CALD1: variants seen among roughly 807,000 people sequenced by gnomAD.
CALD1 encodes the protein caldesmon 1, also known as caldesmon.
A neutral mutation model predicts 99.9 loss-of-function variants in CALD1; 33 were observed. That is an observed-to-expected ratio of 0.33 (90% CI 0.25 to 0.44). CALD1 has a LOEUF of 0.44. Among genes scored for constraint, CALD1 ranks in the 20% least tolerant of loss-of-function variants. CALD1 has a pLI of 1.00. For missense variants in CALD1, 861 were observed against 962.1 expected, an observed-to-expected ratio of 0.89 and a Z score of 1.39; for synonymous variants, 310 against 325.0, an observed-to-expected ratio of 0.95 and a Z score of 0.50.
At chr7:134,791,055 GAGATA>G (rs1797512243) in intron 1 of CALD1, among the ~76,000 whole-genome samples, 1 of 26,944 alleles carries the variant, frequency 3.7e-5, no homozygotes, top group Non-Finnish European at 7.2e-5. Flanking sequence ...CTTCCCAGGT[GAGATA>G]CTACTTATTA....
chr7:134,740,589 G>A (rs112358656), upstream of CALD1, among the ~76,000 whole-genome samples: 62 of 152,272 alleles, frequency 4.1e-4, no homozygotes, highest in Non-Finnish European at 8.1e-4. Context: ...TGTGATGATC[G>A]TGAGAAGCGT....
chr7:134,941,144 G>A lies in CALD1; in HGVS notation c.1439G>A (p.Ser480Asn). Reference protein sequence around the residue: ...KDKEPKEEVKSFMDRKKGFTE... With the variant: ...KDKEPKEEVKNFMDRKKGFTE... ...AAAGAACCCAAAGAAGAAGTTAAGAGCTTCATGGATCGAAAGAAGGGATTT... is the reference window on the plus strand; with the variant it reads ...AAAGAACCCAAAGAAGAAGTTAAGAACTTCATGGATCGAAAGAAGGGATTT... The change falls in exon 7 of 15, where the codon AGC (serine) becomes AAC (asparagine). Residue 480 changes from serine (S) to asparagine (N), a missense_variant. Physicochemically the swap from Ser to Asn is conservative, Grantham distance 46. This residue lies in a region of CALD1 where 293 missense variants were observed against 262.7 expected (regional missense o/e 1.12). Transcript: ENST00000361675. The A allele has an allele frequency of 6.2e-7, 1 of 1,613,036 alleles. No homozygotes were observed. The highest frequency in any genetic ancestry group is 1.3e-5 in the African/African-American group (1 of 74,996).
intron 3 of CALD1, among the ~76,000 whole-genome samples, chr7:134,899,555 T>A (rs1046035353): frequency 6.6e-6 from 1 of 152,250 alleles, no homozygotes; most frequent in Non-Finnish European, 1.5e-5. Flanking sequence ...TAACCCACCC[T>A]AGAGCTGTGC....
At chr7:134,817,321 T>C (rs1244311708) in intron 1 of CALD1, among the ~76,000 whole-genome samples, 1 of 152,200 alleles carries the variant, frequency 6.6e-6, no homozygotes, top group Non-Finnish European at 1.5e-5. Flanking sequence ...ATTTTTTTCA[T>C]TTTTAAACAT....
In CALD1 at chr7:134,783,325, C is replaced by A. The variant is rs1402528960; in HGVS notation, c.-130+3576C>A. Among the ~76,000 whole-genome samples, 2 of 152,224 alleles carry A rather than the reference C, an allele frequency of 1.3e-5. No individual in the cohort carries two copies. Among genetic ancestry groups the A allele is most frequent in the South Asian group, 2.1e-4 (1 of 4,834 alleles). ...CCTGTAACCTCTTCCCCAGCTCCCC[C>A]ATCCCTGTACCGGATAGGGAGCTTT... On this transcript the variant is annotated intron_variant, in intron 1 of 14. Transcript: ENST00000361675. The surrounding 1 kb of genome is among the most constrained non-coding windows in gnomAD (Gnocchi z 4.3).
At chr7:134,817,215 A>C (rs1198197650) in intron 1 of CALD1, among the ~76,000 whole-genome samples, 3 of 152,216 alleles carry the variant, frequency 2.0e-5, no homozygotes, top group Admixed American at 6.5e-5. Context: ...TATATTTAAC[A>C]AACAGAATCT....
At chr7:134,923,237 C>T (rs1000287644) in intron 3 of CALD1, among the ~76,000 whole-genome samples, 3 of 152,196 alleles carry the variant, frequency 2.0e-5, no homozygotes, top group Non-Finnish European at 4.4e-5. Context: ...GTGGAATACT[C>T]CACAATAAAC....
the CALD1 span, among the ~76,000 whole-genome samples, chr7:134,731,532 C>T: frequency 6.6e-6 from 1 of 152,284 alleles, no homozygotes; most frequent in Non-Finnish European, 1.5e-5. Context: ...TGCTTAATTG[C>T]TTTACATGAT....
chr7:134,848,873 GACC>G (rs1182065318), intron 2 of CALD1, among the ~76,000 whole-genome samples: 1 of 152,174 alleles, frequency 6.6e-6, no homozygotes, highest in Non-Finnish European at 1.5e-5. Flanking sequence ...GGAAGCCTGT[GACC>G]ACCATTAGCA....
chr7:134,764,592 C>G (rs1189427724), intron 1 of CALD1, among the ~76,000 whole-genome samples: 1 of 152,116 alleles, frequency 6.6e-6, no homozygotes, highest in Non-Finnish European at 1.5e-5. Context: ...AGTTGTTAAT[C>G]TAGTTAGGGA....
chr7:134,872,640 T>C (rs62479551), intron 3 of CALD1, among the ~76,000 whole-genome samples: 1 of 152,108 alleles, frequency 6.6e-6, no homozygotes, highest in Non-Finnish European at 1.5e-5. Flanking sequence ...TAAGCTCCTA[T>C]TCTAAGGGTA....
chr7:134,784,499 G>T (rs1797230946), intron 1 of CALD1, among the ~76,000 whole-genome samples: 1 of 152,236 alleles, frequency 6.6e-6, no homozygotes, highest in Non-Finnish European at 1.5e-5. Context: ...AATGGGCTAA[G>T]TTGTGCATGA....
At chr7:134,928,477 G>C (rs1805229860) in intron 3 of CALD1, among the ~76,000 whole-genome samples, 1 of 149,776 alleles carries the variant, frequency 6.7e-6, no homozygotes, top group Admixed American at 6.6e-5. Context: ...GTTTCCAAAG[G>C]CAACTTGCTT....
chr7:134,735,616 TCA>T, the CALD1 span, among the ~76,000 whole-genome samples: 61 of 151,312 alleles, frequency 4.0e-4, no homozygotes, highest in African/African-American at 1.5e-3. Context: ...TGTGTAGCTC[TCA>T]GTGGAACTTG....
chr7:134,817,482 G>A (rs529583580), intron 1 of CALD1, among the ~76,000 whole-genome samples: 114 of 152,230 alleles, frequency 7.5e-4, no homozygotes, highest in African/African-American at 2.4e-3. Context: ...GATTCACAAC[G>A]TTATTCAGGT....
At chr7:134,941,062 T>G (rs368299588) in intron 6 of CALD1, 30 bp from the exon 7 acceptor site, 1 of 1,560,704 alleles carries the variant, frequency 6.4e-7, no homozygotes, top group Non-Finnish European at 8.6e-7. Flanking sequence ...TTTCTTGTTC[T>G]GTTTCTTCCT....
At chr7:134,761,816 C>T (rs1359231057) in intron 1 of CALD1, among the ~76,000 whole-genome samples, 1 of 152,004 alleles carries the variant, frequency 6.6e-6, no homozygotes, top group African/African-American at 2.4e-5. Flanking sequence ...TGGCACAACC[C>T]GTTGGATGAA....
the CALD1 span, among the ~76,000 whole-genome samples, chr7:134,721,876 G>A: frequency 1.3e-5 from 2 of 152,164 alleles, no homozygotes; most frequent in Non-Finnish European, 2.9e-5. Context: ...TAGTAGTGGG[G>A]TAGCTCGTGC....
At chr7:134,853,124 C>T (rs3800737) in intron 2 of CALD1, among the ~76,000 whole-genome samples, 111,188 of 152,088 alleles carry the variant, frequency 0.73, 41,063 homozygotes, top group East Asian at 0.98. Flanking sequence ...GTGGATTCCC[C>T]GGGTCTGCAT....
Sources: allele counts gnomAD v4.1 joint callset (sites outside exome capture counted in the v4.1 genomes callset), GRCh38; gene constraint gnomAD v4.1.1; regional missense constraint gnomAD v4.1.1; non-coding constraint Gnocchi (gnomAD v3.1); transcripts MANE v1.5; gene names NCBI Gene and HGNC (gene_info 2026-07-23, HGNC 2026-07-21).